CTIF: variants seen among roughly 807,000 people sequenced by gnomAD.
CTIF encodes CBP80/20-dependent translation initiation factor.
In CTIF, 21 loss-of-function variants were observed where a neutral mutation model predicts 66.0. The observed-to-expected ratio is 0.32, with a 90% confidence interval of 0.23 to 0.46. The LOEUF (loss-of-function observed/expected upper bound fraction) is 0.46, where lower values mean the gene tolerates loss of function less well. Among genes scored for constraint, CTIF ranks in the 20% least tolerant of loss-of-function variants. CTIF has a pLI of 1.00. For missense variants in CTIF, 739 were observed against 812.7 expected, an observed-to-expected ratio of 0.91 and a Z score of 1.10; for synonymous variants, 345 against 326.4, an observed-to-expected ratio of 1.06 and a Z score of -0.62.
At chr18:48,771,288 G>T (rs1461792961) in intron 9 of CTIF, among the ~76,000 whole-genome samples, 1 of 152,158 alleles carries the variant, frequency 6.6e-6, no homozygotes, top group African/African-American at 2.4e-5. Flanking sequence ...ATGCGTCTGG[G>T]TCATCTTTGT....
chr18:48,592,550 G>A (rs569218323), intron 1 of CTIF, among the ~76,000 whole-genome samples: 109 of 151,864 alleles, frequency 7.2e-4, no homozygotes, highest in African/African-American at 2.3e-3. Context: ...CTGGCCTTCC[G>A]TTCCCATGTG....
At chr18:48,697,422 A>G (rs1044887152) in intron 6 of CTIF, among the ~76,000 whole-genome samples, 5 of 152,258 alleles carry the variant, frequency 3.3e-5, no homozygotes, top group African/African-American at 1.2e-4. Flanking sequence ...AACTGGGATC[A>G]GCTTTGCATG....
chr18:48,615,463 C>T (rs2090381357), intron 1 of CTIF, among the ~76,000 whole-genome samples: 1 of 152,182 alleles, frequency 6.6e-6, no homozygotes, highest in African/African-American at 2.4e-5. Context: ...TTCTCCTGTT[C>T]CCCCTGGAAA....
chr18:48,636,523 G>C (rs1043850823), intron 2 of CTIF, 91 bp from the exon 3 acceptor site: 1 of 892,356 alleles, frequency 1.1e-6, no homozygotes, highest in Non-Finnish European at 1.6e-6. Context: ...CATGCTAATG[G>C]GGAAGGCCAG....
chr18:48,550,522 A>C (rs1393721161), intron 1 of CTIF, among the ~76,000 whole-genome samples: 1 of 152,212 alleles, frequency 6.6e-6, no homozygotes, highest in East Asian at 1.9e-4. Flanking sequence ...ATACACATGC[A>C]AACAGCCCAG....
At chr18:48,701,189 G>A (rs1470564013) in intron 6 of CTIF, among the ~76,000 whole-genome samples, 2 of 152,172 alleles carry the variant, frequency 1.3e-5, no homozygotes, top group Non-Finnish European at 2.9e-5. Context: ...AGGGGCTGCA[G>A]AATGGAAACT....
intron 6 of CTIF, among the ~76,000 whole-genome samples, chr18:48,682,292 T>A (rs1169803315): frequency 1.3e-5 from 2 of 152,174 alleles, no homozygotes; most frequent in Non-Finnish European, 2.9e-5. Context: ...ACACACATGA[T>A]CCCGGGAGCC....
chr18:48,702,911 G>GAA (rs111452633), intron 6 of CTIF, among the ~76,000 whole-genome samples: 33 of 145,162 alleles, frequency 2.3e-4, no homozygotes, highest in African/African-American at 7.8e-4. Flanking sequence ...TAACTTCTTA[G>GAA]AAAAAAAAAA....
At chr18:48,772,077 G>C (rs1415447086) in intron 9 of CTIF, among the ~76,000 whole-genome samples, 1 of 152,206 alleles carries the variant, frequency 6.6e-6, no homozygotes, top group Non-Finnish European at 1.5e-5. Context: ...ACCACAGAGG[G>C]TCACTCTTTC....
At chr18:48,736,995 C>T (rs1190668006) in intron 7 of CTIF, among the ~76,000 whole-genome samples, 3 of 152,168 alleles carry the variant, frequency 2.0e-5, no homozygotes, top group Admixed American at 6.5e-5. Context: ...TTTCTTCTGC[C>T]TCCTGCTCAC....
chr18:48,799,378 A>T (rs1004998174), intron 9 of CTIF, among the ~76,000 whole-genome samples: 1 of 152,174 alleles, frequency 6.6e-6, no homozygotes, highest in African/African-American at 2.4e-5. Context: ...GCAGCCCCAG[A>T]TGATGGATTT....
intron 1 of CTIF, among the ~76,000 whole-genome samples, chr18:48,555,487 ATGGGGAT>A (rs945980731): frequency 3.3e-5 from 5 of 152,122 alleles, no homozygotes; most frequent in African/African-American, 1.2e-4. Flanking sequence ...AGTGACTGTG[ATGGGGAT>A]TGGGGTGGAT....
intron 1 of CTIF, among the ~76,000 whole-genome samples, chr18:48,586,330 G>A (rs796123241): frequency 1.3e-4 from 20 of 149,262 alleles, no homozygotes; most frequent in African/African-American, 4.7e-4. Context: ...AGGCTGGAGT[G>A]CAGTGGCTCA....
intron 7 of CTIF, among the ~76,000 whole-genome samples, chr18:48,724,419 G>A (rs985685213): frequency 2.6e-5 from 4 of 152,086 alleles, no homozygotes; most frequent in African/African-American, 9.7e-5. Context: ...CCAGACCCCA[G>A]TCTTCTCGCT....
chr18:48,713,354 A>G (rs1308174435), intron 7 of CTIF, among the ~76,000 whole-genome samples: 3 of 152,146 alleles, frequency 2.0e-5, no homozygotes, highest in Non-Finnish European at 4.4e-5. Flanking sequence ...AGGCAATGGC[A>G]GGCTGCCACC....
At chr18:48,647,598 T>C (rs1407672740) in intron 3 of CTIF, among the ~76,000 whole-genome samples, 1 of 152,274 alleles carries the variant, frequency 6.6e-6, no homozygotes, top group East Asian at 1.9e-4. Context: ...AAGTGTAATT[T>C]GTAAAAAGTA....
At chr18:48,613,447 A>C (rs1323726612) in intron 1 of CTIF, among the ~76,000 whole-genome samples, 1 of 152,154 alleles carries the variant, frequency 6.6e-6, no homozygotes, top group African/African-American at 2.4e-5. Flanking sequence ...GAGAGCAGCA[A>C]GGGATGGGGA....
At chr18:48,616,111 A>G (rs11082687) in intron 1 of CTIF, among the ~76,000 whole-genome samples, 13,402 of 152,266 alleles carry the variant, frequency 0.088, 631 homozygotes, top group South Asian at 0.14. Flanking sequence ...CTGGCACTCA[A>G]TCCTCCTGGA....
intron 9 of CTIF, among the ~76,000 whole-genome samples, chr18:48,783,204 G>A (rs1215701178): frequency 2.0e-5 from 3 of 152,144 alleles, no homozygotes; most frequent in African/African-American, 7.2e-5. Flanking sequence ...CCACCTGGGA[G>A]GCCTAGCTGG....
Sources: gnomAD v4.1 joint callset for allele counts (sites outside exome capture counted in the v4.1 genomes callset) on GRCh38, gnomAD v4.1.1 for gene constraint, MANE v1.5 for transcripts, NCBI Gene and HGNC (gene_info 2026-07-23, HGNC 2026-07-21) for gene names.